NOS1AP: variants seen among roughly 807,000 people sequenced by gnomAD.
NOS1AP encodes carboxyl-terminal PDZ ligand of neuronal nitric oxide synthase protein.
A neutral mutation model predicts 56.2 loss-of-function variants in NOS1AP; 21 were observed. The ratio of observed to expected loss-of-function variants is 0.37; its 90% CI spans 0.26 to 0.54. The LOEUF is 0.54. Among genes scored for constraint, NOS1AP ranks in the 20% least tolerant of loss-of-function variants. NOS1AP has a pLI of 0.84. For synonymous variants in NOS1AP, 270 were observed against 274.6 expected (o/e 0.98, Z 0.17); for missense variants, 522 against 657.8 (o/e 0.79, Z 2.26).
At chr1:162,141,075 A>C (rs1474465657) in intron 1 of NOS1AP, among the ~76,000 whole-genome samples, 1 of 152,302 alleles carries the variant, frequency 6.6e-6, no homozygotes. Flanking sequence ...GTTTGTTTAC[A>C]GTCTCTTTTA....
chr1:162,228,892 A>C (rs1653030082), intron 2 of NOS1AP, among the ~76,000 whole-genome samples: 1 of 152,262 alleles, frequency 6.6e-6, no homozygotes, highest in South Asian at 2.1e-4. Flanking sequence ...TTAGAATTGC[A>C]CAGGACCTTC....
In NOS1AP at chr1:162,296,800, C is replaced by T. The variant is rs145811002; in HGVS notation, c.271-3833C>T. On this transcript the variant is annotated intron_variant, in intron 3 of 9. Coordinates refer to ENST00000361897, the MANE Select transcript of NOS1AP (RefSeq NM_014697.3). ...CTTAGCTTTGATGATGGAGGCGCAT[C>T]GCAAGCCTTGGAAGAAACATGAACT... 1.7e-3 allele frequency among the ~76,000 whole-genome samples: 261 copies of T among 152,294 alleles called. 3 individuals carry two copies. The highest frequency in any genetic ancestry group is 5.6e-3 in the African/African-American group (233 of 41,562).
intron 2 of NOS1AP, among the ~76,000 whole-genome samples, chr1:162,229,563 G>C (rs1282759947): frequency 6.6e-6 from 1 of 151,938 alleles, no homozygotes. Flanking sequence ...TGTTTCACCT[G>C]TTCCTGTTTA....
chr1:162,264,474 C>T (rs12746380), intron 2 of NOS1AP, among the ~76,000 whole-genome samples: 235 of 3,662 alleles, frequency 0.064, 32 homozygotes, highest in East Asian at 0.45. Flanking sequence ...TCCTCCCCTC[C>T]CCTCCCCTCC....
chr1:162,153,745 A>G (rs769196019), intron 1 of NOS1AP, among the ~76,000 whole-genome samples: 10 of 152,254 alleles, frequency 6.6e-5, no homozygotes, highest in South Asian at 2.1e-4. Flanking sequence ...ATGTACATCA[A>G]CTGTTACAGT....
intron 2 of NOS1AP, among the ~76,000 whole-genome samples, chr1:162,191,759 G>C (rs1461928100): frequency 1.3e-5 from 2 of 152,108 alleles, no homozygotes; most frequent in Non-Finnish European, 2.9e-5. Flanking sequence ...ACTCATTCTT[G>C]ATCTTTCTAA....
chr1:162,367,296 C>T lies in NOS1AP; in HGVS notation c.1350C>T (p.Gly450=), dbSNP rs764364390. The T allele has an allele frequency of 4.2e-5, 68 of 1,613,238 alleles. No individual in the cohort carries two copies. The highest frequency in any genetic ancestry group is 9.3e-5 in the African/African-American group (7 of 74,942). The change falls in exon 10 of 10, where the codon GGC becomes GGT. Residue 450 remains glycine, a synonymous_variant. Transcript: ENST00000361897. The surrounding 1 kb of genome is among the most constrained non-coding windows in gnomAD (Gnocchi z 6.5). ...CAGCGCAGGGCGAGGCGCTCCTGGG[C>T]GGTCTGGAGCTCATCAAGTTCCGAG... The part of the protein sequence containing the change: ...PPPAQGEALL[G]GLELIKFRES...
chr1:162,316,089 GGGACTGAGTGGAT>G (rs1235688807), intron 4 of NOS1AP, among the ~76,000 whole-genome samples: 1 of 152,044 alleles, frequency 6.6e-6, no homozygotes, highest in Non-Finnish European at 1.5e-5. Context: ...ACTTTTATTC[GGGACTGAGTGGAT>G]GAATGAATGA....
At chr1:162,130,539 T>C (rs1648705327) in intron 1 of NOS1AP, among the ~76,000 whole-genome samples, 1 of 152,170 alleles carries the variant, frequency 6.6e-6, no homozygotes, top group Admixed American at 6.5e-5. Flanking sequence ...AGCCCTGTTC[T>C]TGCCACCTCC....
rs547018979 is a variant in NOS1AP, at chr1:162,366,885, G to C, written c.1106-167G>C. On this transcript the variant is annotated intron_variant, in intron 9 of 9. Coordinates refer to ENST00000361897, the MANE Select transcript of NOS1AP (RefSeq NM_014697.3). ...CAGCGAGGTGTGTCTGGAGCTATGT[G>C]GGGGCGGGAGGAAGGGTGAAGTGTT... is the stretch of plus-strand genomic sequence containing the variant. 320 of 760,384 alleles carry C rather than the reference G, an allele frequency of 4.2e-4. 1 individual carries two copies. Among genetic ancestry groups the C allele is most frequent in the Non-Finnish European group, 7.3e-4 (309 of 426,082 alleles). 47.1% of individuals were successfully genotyped at this position (760,384 alleles called of 1,614,324 possible).
chr1:162,320,673 G>C (rs1415843297), intron 4 of NOS1AP, among the ~76,000 whole-genome samples: 3 of 152,092 alleles, frequency 2.0e-5, no homozygotes, highest in African/African-American at 7.2e-5. Flanking sequence ...GGCCAACATG[G>C]TGAAACCCCG....
intron 4 of NOS1AP, among the ~76,000 whole-genome samples, chr1:162,318,981 T>C (rs188625601): frequency 6.6e-6 from 1 of 152,298 alleles, no homozygotes; most frequent in East Asian, 1.9e-4. Context: ...GTCCACCTGC[T>C]CTCCCCATGG....
intron 1 of NOS1AP, among the ~76,000 whole-genome samples, chr1:162,107,345 T>C (rs188082512): frequency 1.8e-3 from 268 of 152,236 alleles, no homozygotes; most frequent in Non-Finnish European, 2.8e-3. Context: ...TAACATAATT[T>C]AAAAAATAGA....
rs550506222 is a variant in NOS1AP, at chr1:162,258,543, TC to T, written c.178-28800del. On this transcript the variant is annotated intron_variant, in intron 2 of 9. Transcript: ENST00000361897. Reference sequence around the variant, plus strand: ...TTGACACGTAATGGTCCTCTGTGGTTCTATGTGTCTTATCTCCCCTGGCTTA... The same window carrying T: ...TTGACACGTAATGGTCCTCTGTGGTTTATGTGTCTTATCTCCCCTGGCTTA... Among the ~76,000 whole-genome samples the T allele has an allele frequency of 1.9e-3, 295 of 152,306 alleles. 1 individual carries two copies. Among genetic ancestry groups the T allele is most frequent in the African/African-American group, 4.5e-3 (187 of 41,566 alleles).
At chr1:162,095,663 T>C (rs1318137232) in intron 1 of NOS1AP, among the ~76,000 whole-genome samples, 3 of 152,186 alleles carry the variant, frequency 2.0e-5, no homozygotes, top group African/African-American at 7.2e-5. Context: ...TATGTGGGGT[T>C]CCCTCATCCG....
In NOS1AP at chr1:162,367,121, C is replaced by A; in HGVS notation, c.1175C>A (p.Thr392Lys). 6.2e-7 allele frequency: 1 copy of A among 1,613,870 alleles called. No individual in the cohort carries two copies. The highest frequency in any genetic ancestry group is 1.7e-5 in the Admixed American group (1 of 60,028). ...GCCCTGCCCGTGCTCTGTGACCCCA[C>A]GACCCCTAAGCCAGAGGACCTGCAT... is the stretch of plus-strand genomic sequence containing the variant. ...SGALPVLCDP[T>K]TPKPEDLHSP... is the part of the protein sequence containing the mutation. Residue 392 changes from threonine to lysine, a missense_variant, in exon 10 of 10, where the codon ACG becomes AAG. By Grantham distance (78) the Thr-to-Lys change is moderately conservative. Around this residue, in one of 4 missense-constraint regions of NOS1AP, gnomAD observed 160 missense variants for 180.3 expected, o/e 0.89. Transcript: ENST00000361897. This position sits in a 1 kb window ranked among gnomAD's most constrained non-coding sequence, Gnocchi z 6.5.
Position 162,355,299 on chromosome 1 carries a change from T to G in NOS1AP, c.708T>G (p.Gly236=). 6.2e-7 allele frequency: 1 copy of G among 1,614,026 alleles called. No individual in the cohort carries two copies. The highest frequency in any genetic ancestry group is 8.5e-7 in the Non-Finnish European group (1 of 1,180,000). Residue 236 remains glycine (G), a synonymous_variant, in exon 7 of 10, where the codon GGT becomes GGG. Coordinates refer to ENST00000361897, the MANE Select transcript of NOS1AP (RefSeq NM_014697.3). ...ATGATGTCCTGGAATTCAGCCGAGG[T>G]GTGACTGATCTAGATGCTGTAGGGA... ...PGNDVLEFSR[G]VTDLDAVGKE...
chr1:162,290,962 G>A (rs921476230), intron 3 of NOS1AP, among the ~76,000 whole-genome samples: 2 of 151,450 alleles, frequency 1.3e-5, no homozygotes, highest in South Asian at 2.1e-4. Flanking sequence ...ATGCTTTTTG[G>A]TGTTTGTGTG....
chr1:162,232,027 A>G (rs572713177), intron 2 of NOS1AP, among the ~76,000 whole-genome samples: 11 of 152,358 alleles, frequency 7.2e-5, no homozygotes, highest in Non-Finnish European at 1.3e-4. Context: ...GTTTATCCAC[A>G]TAAAGTTTAT....
Sources: gnomAD v4.1 joint callset for allele counts (sites outside exome capture counted in the v4.1 genomes callset) on GRCh38, gnomAD v4.1.1 for gene constraint, gnomAD v4.1.1 regional missense constraint, Gnocchi (gnomAD v3.1) non-coding constraint, MANE v1.5 for transcripts, NCBI Gene and HGNC (gene_info 2026-07-23, HGNC 2026-07-21) for gene names.